The following RERE variants were observed in gnomAD, a reference collection of about 807,000 sequenced individuals.
RERE encodes the protein arginine-glutamic acid dipeptide repeats protein.
In RERE, 40 loss-of-function variants were observed where a neutral mutation model predicts 146.1. The ratio of observed to expected loss-of-function variants is 0.27; its 90% CI spans 0.21 to 0.36. RERE has a LOEUF of 0.36. Ranked by LOEUF, RERE falls within the 10% of genes least tolerant of loss-of-function variation. The probability of loss-of-function intolerance (pLI) is 1.00; values close to 1 mark genes in which losing one functional copy is unlikely to be tolerated. For synonymous variants in RERE, 1,003 were observed against 866.0 expected (o/e 1.16, Z -2.78); for missense variants, 1,933 against 2,138.7 (o/e 0.90, Z 1.90).
At chr1:8,751,782 A>T (rs945728037) in intron 1 of RERE, among the ~76,000 whole-genome samples, 34 of 75,392 alleles carry the variant, frequency 4.5e-4, no homozygotes, top group African/African-American at 1.7e-3. Context: ...CACTTTAAAA[A>T]AAAAAAAAAA....
At chr1:8,564,329 G>C (rs1173571513) in intron 4 of RERE, among the ~76,000 whole-genome samples, 1 of 152,076 alleles carries the variant, frequency 6.6e-6, no homozygotes, top group Non-Finnish European at 1.5e-5. Context: ...GATATCTTGG[G>C]GATGGGACCC....
intron 2 of RERE, among the ~76,000 whole-genome samples, chr1:8,654,143 G>C (rs6577515): frequency 0.58 from 88,468 of 151,546 alleles, 26,383 homozygotes; most frequent in East Asian, 0.83. Flanking sequence ...GAGCTCAAGG[G>C]ATTCTTCTAC....
chr1:8,774,645 C>T (rs1471022167), intron 1 of RERE, among the ~76,000 whole-genome samples: 2 of 151,970 alleles, frequency 1.3e-5, no homozygotes, highest in African/African-American at 2.4e-5. Context: ...TGAGTCACCA[C>T]ACCCGGCCAT....
intron 1 of RERE, among the ~76,000 whole-genome samples, chr1:8,816,584 A>G (rs1024292562): frequency 6.6e-6 from 1 of 152,206 alleles, no homozygotes; most frequent in African/African-American, 2.4e-5. Flanking sequence ...TCTTTCCATC[A>G]TCTTAAAAAT....
chr1:8,417,287 G>T (rs1643803453), intron 12 of RERE, among the ~76,000 whole-genome samples: 1 of 152,156 alleles, frequency 6.6e-6, no homozygotes, highest in Non-Finnish European at 1.5e-5. Context: ...TCTGCTGCAG[G>T]AATATGGTCT....
chr1:8,401,069 A>ATATATATATATATATATATATATATATG (rs761609705), intron 12 of RERE, among the ~76,000 whole-genome samples: 12 of 85,120 alleles, frequency 1.4e-4, no homozygotes, highest in East Asian at 3.1e-4. Flanking sequence ...ATATATATAT[A>ATATATATATATATATATATATATATATG]TATGTCACTT....
At chr1:8,472,382 T>C (rs1270231060) in intron 10 of RERE, among the ~76,000 whole-genome samples, 1 of 152,180 alleles carries the variant, frequency 6.6e-6, no homozygotes, top group Admixed American at 6.5e-5. Context: ...GTCAGGAAAT[T>C]TAACACAGGC....
intron 11 of RERE, among the ~76,000 whole-genome samples, chr1:8,435,020 T>C (rs940447713): frequency 6.6e-6 from 1 of 152,270 alleles, no homozygotes; most frequent in African/African-American, 2.4e-5. Flanking sequence ...TGCTTTACAT[T>C]GGGCTAATTT....
At chr1:8,571,222 A>C (rs984415087) in intron 4 of RERE, among the ~76,000 whole-genome samples, 1 of 152,216 alleles carries the variant, frequency 6.6e-6, no homozygotes, top group African/African-American at 2.4e-5. Flanking sequence ...AAAACCTTTA[A>C]GAAAAAGAAA....
chr1:8,617,254 G>C (rs1465018732), intron 3 of RERE, among the ~76,000 whole-genome samples: 2 of 146,654 alleles, frequency 1.4e-5, no homozygotes, highest in Non-Finnish European at 3.0e-5. Context: ...TGAGGCAGGA[G>C]AATCGCTTGA....
At chr1:8,574,652 T>A (rs1646267939) in intron 4 of RERE, among the ~76,000 whole-genome samples, 1 of 152,160 alleles carries the variant, frequency 6.6e-6, no homozygotes, top group African/African-American at 2.4e-5. Flanking sequence ...TTCACAAACA[T>A]GCTAAGCCAA....
chr1:8,749,155 T>G (rs746215274), intron 1 of RERE, among the ~76,000 whole-genome samples: 1 of 152,168 alleles, frequency 6.6e-6, no homozygotes, highest in Non-Finnish European at 1.5e-5. Flanking sequence ...TTAAGTAACA[T>G]GTCCAAGGTC....
intron 11 of RERE, chr1:8,434,668 T>G (rs1644143467): frequency 6.6e-6 from 1 of 152,240 alleles, no homozygotes. Flanking sequence ...CTTCTAAGAC[T>G]ACATCATACA....
At chr1:8,698,870 T>C (rs575324823) in intron 1 of RERE, among the ~76,000 whole-genome samples, 20 of 152,126 alleles carry the variant, frequency 1.3e-4, no homozygotes, top group Non-Finnish European at 2.4e-4. Flanking sequence ...ATATTCTTAT[T>C]ATCTTAACAA....
rs145093993 is a variant in RERE at position 8,758,771 on chromosome 1, C to A, written c.-145+58389G>T. Reference sequence around the variant, plus strand: ...GTGAGGAGGAATAAGTTCAAGAGATCAGCTTTATAATATAGTGACTATAAT... The same window carrying A: ...GTGAGGAGGAATAAGTTCAAGAGATAAGCTTTATAATATAGTGACTATAAT... On this transcript the variant is annotated intron_variant, in intron 1 of 22. Transcript: ENST00000400908. Among the ~76,000 whole-genome samples, 1,111 of 151,522 alleles carry A rather than the reference C, an allele frequency of 7.3e-3. 10 individuals carry two copies. The highest frequency in any genetic ancestry group is 0.011 in the Non-Finnish European group (764 of 67,902).
rs756210047 is a variant in RERE at position 8,361,244 on chromosome 1, G to A, written c.2263C>T (p.Pro755Ser). ...TGVTPAPSSAPPGTPQLPTPG... is the reference protein window; with the variant it reads ...TGVTPAPSSASPGTPQLPTPG... The stretch of plus-strand genomic sequence containing the variant: ...GTGGGCAGCTGAGGGGTCCCTGGAG[G>A]AGCTGAGGAGGGAGCTGGGGTGACC... The change falls in exon 18 of 23, where the codon CCT becomes TCT. Residue 755 changes from proline to serine, a missense_variant. Pro to Ser is a moderately conservative substitution (Grantham distance 74). Transcript: ENST00000400908. 15 of 1,559,312 alleles carry A rather than the reference G, an allele frequency of 9.6e-6. No homozygotes were observed. The highest frequency in any genetic ancestry group is 1.3e-5 in the Non-Finnish European group (15 of 1,155,650).
At chr1:8,401,766 A>C (rs1643269925) in intron 12 of RERE, among the ~76,000 whole-genome samples, 1 of 152,102 alleles carries the variant, frequency 6.6e-6, no homozygotes. Context: ...AAAAAGAAAA[A>C]AAAAAAGCCT....
chr1:8,700,622 T>C (rs368713927), intron 1 of RERE, among the ~76,000 whole-genome samples: 2 of 152,222 alleles, frequency 1.3e-5, no homozygotes, highest in African/African-American at 4.8e-5. Context: ...CAAGTCCTTT[T>C]GTACAATGTA....
At chr1:8,762,341 T>C (rs973882860) in intron 1 of RERE, among the ~76,000 whole-genome samples, 2 of 152,232 alleles carry the variant, frequency 1.3e-5, no homozygotes, top group African/African-American at 2.4e-5. Context: ...GGTGAAAATA[T>C]ACTTGCACAC....
Sources: allele counts gnomAD v4.1 joint callset (sites outside exome capture counted in the v4.1 genomes callset), GRCh38; gene constraint gnomAD v4.1.1; transcripts MANE v1.5; gene names NCBI Gene and HGNC (gene_info 2026-07-23, HGNC 2026-07-21).